The following DPY19L2 variants were observed in gnomAD, a reference collection of about 807,000 sequenced individuals.
The protein encoded by DPY19L2 is probable C-mannosyltransferase DPY19L2.
A neutral mutation model predicts 97.9 loss-of-function variants in DPY19L2; 34 were observed. The ratio of observed to expected loss-of-function variants is 0.35; its 90% confidence interval spans 0.26 to 0.46. DPY19L2 has a LOEUF of 0.46. Among genes scored for constraint, DPY19L2 ranks in the 20% least tolerant of loss-of-function variants. The pLI, the probability that DPY19L2 is intolerant of heterozygous loss-of-function variation, is 1.00. For missense variants in DPY19L2, 623 were observed against 911.4 expected (o/e 0.68, Z 4.07); for synonymous variants, 230 against 307.9 (o/e 0.75, Z 2.65).
chr12:63,611,898 G>A (rs1220767493), intron 11 of DPY19L2, among the ~76,000 whole-genome samples: 2 of 151,986 alleles, frequency 1.3e-5, no homozygotes, highest in African/African-American at 2.4e-5. Context: ...GATAAAAATT[G>A]TAAACCTAAA....
chr12:63,583,199 A>C (rs149474686), intron 17 of DPY19L2, among the ~76,000 whole-genome samples: 102 of 152,276 alleles, frequency 6.7e-4, no homozygotes, highest in African/African-American at 2.3e-3. Context: ...GTCATAAACT[A>C]TCTCTATTAA....
At chr12:63,629,700 C>G (rs1444847138) in intron 6 of DPY19L2, among the ~76,000 whole-genome samples, 2 of 152,084 alleles carry the variant, frequency 1.3e-5, no homozygotes, top group Non-Finnish European at 1.5e-5. Flanking sequence ...CATTCAAATT[C>G]AGGAAATACA....
chr12:63,598,775 A>T (rs1884659441), intron 13 of DPY19L2, among the ~76,000 whole-genome samples: 1 of 152,142 alleles, frequency 6.6e-6, no homozygotes, highest in Admixed American at 6.5e-5. Flanking sequence ...CTGGTGACTA[A>T]CAGTAATTTA....
chr12:63,582,492 T>C lies in DPY19L2; in HGVS notation c.1639A>G (p.Thr547Ala). 1 of 1,613,472 alleles carries C rather than the reference T, an allele frequency of 6.2e-7. No individual in the cohort carries two copies. Among genetic ancestry groups the C allele is most frequent in the Non-Finnish European group, 8.5e-7 (1 of 1,179,616 alleles). Residue 547 changes from threonine (T) to alanine (A), a missense_variant, in exon 18 of 22, where the codon ACT becomes GCT. Coordinates refer to ENST00000324472, the MANE Select transcript of DPY19L2 (RefSeq NM_173812.5). ...CTCATAATTAAAATGGCAAGGGCAG[T>C]AAACACTAACAACTGCAATGTGTGA... ...AFHTLQLLVF[T>A]ALAILIMRLK...
rs531162728 is a variant in DPY19L2 at position 63,649,484 on chromosome 12, G to A, written c.589-2119C>T. On this transcript the variant is annotated intron_variant, in intron 4 of 21. Coordinates refer to ENST00000324472, the MANE Select transcript of DPY19L2 (RefSeq NM_173812.5). ...GACCCAAATAAACACAATCAGAAAT[G>A]ACAAAGGATATATTACCATTGACCC... Among the ~76,000 whole-genome samples, 6 of 152,120 alleles carry A rather than the reference G, an allele frequency of 3.9e-5. No homozygotes were observed. In the South Asian group the frequency reaches 1.2e-3, roughly 32 times the overall value.
intron 2 of DPY19L2, among the ~76,000 whole-genome samples, chr12:63,665,160 C>T (rs1896178509): frequency 6.6e-6 from 1 of 152,098 alleles, no homozygotes; most frequent in African/African-American, 2.4e-5. Context: ...GCAGGTGTTA[C>T]TAAAACTTTA....
intron 9 of DPY19L2, among the ~76,000 whole-genome samples, chr12:63,619,593 C>A (rs1592595678): frequency 1.3e-5 from 2 of 151,784 alleles, no homozygotes. Flanking sequence ...CTCACTACAA[C>A]CTCCACCTCC....
intron 12 of DPY19L2, among the ~76,000 whole-genome samples, chr12:63,606,796 T>G (rs1357372218): frequency 6.6e-6 from 1 of 152,186 alleles, no homozygotes; most frequent in Non-Finnish European, 1.5e-5. Context: ...ATGATTCTCA[T>G]GCTTCATGAT....
intron 6 of DPY19L2, among the ~76,000 whole-genome samples, chr12:63,632,498 C>A (rs529217174): frequency 1.3e-5 from 2 of 152,230 alleles, no homozygotes; most frequent in East Asian, 3.9e-4. Context: ...CCTAGGAATC[C>A]AACTTACAAG....
At chr12:63,638,004 T>C (rs1249862831) in intron 6 of DPY19L2, among the ~76,000 whole-genome samples, 1 of 152,248 alleles carries the variant, frequency 6.6e-6, no homozygotes, top group East Asian at 1.9e-4. Flanking sequence ...AAAAAGCTTA[T>C]CCACCATGAT....
chr12:63,662,756 T>C (rs1425336829), intron 3 of DPY19L2, among the ~76,000 whole-genome samples: 1 of 152,230 alleles, frequency 6.6e-6, no homozygotes, highest in Non-Finnish European at 1.5e-5. Context: ...TAATATTTTA[T>C]ATTCTGTCTT....
intron 16 of DPY19L2, among the ~76,000 whole-genome samples, chr12:63,591,993 AGGGAG>A (rs1565728361): frequency 8.6e-4 from 15 of 17,402 alleles, no homozygotes; most frequent in Middle Eastern, 0.029. Flanking sequence ...AGGGAAGGGA[AGGGAG>A]GGGAAGGGAG....
chr12:63,628,377 GC>G (rs1348555759), intron 6 of DPY19L2, among the ~76,000 whole-genome samples: 1 of 152,132 alleles, frequency 6.6e-6, no homozygotes, highest in East Asian at 1.9e-4. Flanking sequence ...CTAACAGTGC[GC>G]TTTTCCAACA....
rs931490518 is a variant in DPY19L2 at position 63,608,766 on chromosome 12, C to T, written c.1219-91G>A. On this transcript the variant is annotated intron_variant, in intron 11 of 21. Transcript: ENST00000324472. Reference sequence around the variant, plus strand: ...GTACATTTCAAAAATTATATAGCCACCCTGTTCCATCTCAGCTATCACCAG... The same window carrying T: ...GTACATTTCAAAAATTATATAGCCATCCTGTTCCATCTCAGCTATCACCAG... The T allele has an allele frequency of 2.0e-5, 14 of 708,980 alleles. No individual in the cohort carries two copies. The African/African-American group carries it at 2.0e-4, about 10-fold the overall frequency. 43.9% of individuals were successfully genotyped at this position (708,980 alleles called of 1,614,324 possible).
chr12:63,641,842 A>G (rs1235622980), intron 6 of DPY19L2, among the ~76,000 whole-genome samples: 1 of 152,138 alleles, frequency 6.6e-6, no homozygotes, highest in East Asian at 1.9e-4. Context: ...ACTGAGTTAC[A>G]AGGTATCTAT....
intron 6 of DPY19L2, among the ~76,000 whole-genome samples, chr12:63,644,088 C>CT (rs1270838921): frequency 6.6e-6 from 1 of 152,098 alleles, no homozygotes; most frequent in Non-Finnish European, 1.5e-5. Context: ...AAATAAGCTG[C>CT]TACTACTGCT....
intron 17 of DPY19L2, among the ~76,000 whole-genome samples, chr12:63,583,472 G>A (rs1471740582): frequency 1.3e-5 from 2 of 152,150 alleles, no homozygotes; most frequent in African/African-American, 4.8e-5. Flanking sequence ...TCTACGTGGT[G>A]GCAGATGGCC....
chr12:63,627,453 C>T (rs868382232), intron 6 of DPY19L2, among the ~76,000 whole-genome samples: 10 of 151,956 alleles, frequency 6.6e-5, no homozygotes, highest in Non-Finnish European at 1.2e-4. Context: ...TGGTTCAAGC[C>T]GATTCTTCTG....
At chr12:63,607,892 C>T (rs548419202) in intron 12 of DPY19L2, among the ~76,000 whole-genome samples, 10 of 151,834 alleles carry the variant, frequency 6.6e-5, no homozygotes, top group Non-Finnish European at 1.5e-4. Context: ...GTTGGCCTCC[C>T]AAAGTGCTGT....
Sources: allele counts gnomAD v4.1 joint callset (sites outside exome capture counted in the v4.1 genomes callset), GRCh38; gene constraint gnomAD v4.1.1; transcripts MANE v1.5; gene names NCBI Gene and HGNC (gene_info 2026-07-23, HGNC 2026-07-21).